The following SLC35F1 variants were observed in gnomAD, a reference collection of about 807,000 sequenced individuals.
The protein encoded by SLC35F1 is chromosome 6 open reading frame 169.
A neutral mutation model predicts 48.7 loss-of-function variants in SLC35F1; 14 were observed. That is an observed-to-expected ratio of 0.29 (90% CI 0.19 to 0.45). The LOEUF (loss-of-function observed/expected upper bound fraction) is 0.45, where lower values mean the gene tolerates loss of function less well. SLC35F1 is among the 20% of genes least tolerant of loss of function. SLC35F1 has a pLI of 1.00. For missense variants in SLC35F1, 404 were observed against 500.0 expected, an observed-to-expected ratio of 0.81 and a Z score of 1.83; for synonymous variants, 190 against 202.2, an observed-to-expected ratio of 0.94 and a Z score of 0.51.
intron 1 of SLC35F1, among the ~76,000 whole-genome samples, chr6:117,949,208 A>C (rs770906229): frequency 6.6e-6 from 1 of 152,218 alleles, no homozygotes; most frequent in Non-Finnish European, 1.5e-5. Context: ...CCAAGCATCC[A>C]AAACCTGGAA....
intron 1 of SLC35F1, among the ~76,000 whole-genome samples, chr6:118,150,747 C>CTAAATGATT (rs1214655697): frequency 6.6e-6 from 1 of 152,130 alleles, no homozygotes; most frequent in Non-Finnish European, 1.5e-5. Flanking sequence ...ATAGGATAAG[C>CTAAATGATT]TAAATTAATT....
At position 118,282,045 on chromosome 6, in the gene SLC35F1, A is replaced by T. The variant is rs74502258; in HGVS notation, c.848-3139A>T. ...TCAAATTCTATCCTTAGTGAGAGAG[A>T]GAACATTCCAAGAGGAAATGTTTAT... On this transcript the variant is annotated intron_variant, in intron 6 of 7. Transcript: ENST00000360388. Among the ~76,000 whole-genome samples the T allele has an allele frequency of 5.0e-3, 769 of 152,330 alleles. 8 individuals are homozygous for T. Among genetic ancestry groups the T allele is most frequent in the African/African-American group, 0.018 (736 of 41,574 alleles).
intron 2 of SLC35F1, among the ~76,000 whole-genome samples, chr6:118,192,241 TATTTCCTTGGTATTCAATTG>T (rs1217837213): frequency 6.6e-6 from 1 of 152,206 alleles, no homozygotes; most frequent in Non-Finnish European, 1.5e-5. Context: ...TCTGGCAAAG[TATTTCCTTGGTATTCAATTG>T]ATTTTTGTTC....
At chr6:118,232,244 A>C (rs1378249476) in intron 2 of SLC35F1, among the ~76,000 whole-genome samples, 3 of 152,204 alleles carry the variant, frequency 2.0e-5, no homozygotes, top group Non-Finnish European at 4.4e-5. Context: ...CAGGAGGATA[A>C]GCACCATGTA....
chr6:118,184,874 G>A (rs947998197), intron 2 of SLC35F1, among the ~76,000 whole-genome samples: 4 of 152,074 alleles, frequency 2.6e-5, no homozygotes, highest in African/African-American at 9.7e-5. Flanking sequence ...AAAAGATCTT[G>A]GGCCATGATT....
intron 2 of SLC35F1, among the ~76,000 whole-genome samples, chr6:118,200,464 C>T (rs1774860685): frequency 6.6e-6 from 1 of 152,166 alleles, no homozygotes; most frequent in Non-Finnish European, 1.5e-5. Flanking sequence ...CTGCCAGTGT[C>T]CTTCCAGGTT....
chr6:118,111,232 C>T (rs931732044), intron 1 of SLC35F1, among the ~76,000 whole-genome samples: 32 of 152,018 alleles, frequency 2.1e-4, no homozygotes, highest in Admixed American at 1.4e-3. Flanking sequence ...AACCAGAGAT[C>T]AAGGAAGCTC....
At chr6:118,194,100 G>C (rs545199560) in intron 2 of SLC35F1, among the ~76,000 whole-genome samples, 1 of 151,938 alleles carries the variant, frequency 6.6e-6, no homozygotes, top group Admixed American at 6.6e-5. Context: ...TACACAGACA[G>C]ACAGAAGAAG....
chr6:118,204,030 G>A (rs193021586), intron 2 of SLC35F1, among the ~76,000 whole-genome samples: 38 of 151,658 alleles, frequency 2.5e-4, no homozygotes, highest in African/African-American at 9.0e-4. Context: ...AGGTAATATA[G>A]AAAGCAATAA....
intron 2 of SLC35F1, among the ~76,000 whole-genome samples, chr6:118,171,308 G>T (rs879882965): frequency 1.3e-5 from 2 of 152,184 alleles, no homozygotes; most frequent in Non-Finnish European, 2.9e-5. Context: ...TGGGATTGCA[G>T]GTGTGAGCTA....
intron 1 of SLC35F1, among the ~76,000 whole-genome samples, chr6:118,102,163 G>A (rs189571850): frequency 6.6e-6 from 1 of 152,252 alleles, no homozygotes; most frequent in African/African-American, 2.4e-5. Flanking sequence ...CAATAACAAT[G>A]TACAGGAAGG....
chr6:118,157,255 G>A (rs1200725449), intron 2 of SLC35F1, among the ~76,000 whole-genome samples: 5 of 152,132 alleles, frequency 3.3e-5, no homozygotes, highest in African/African-American at 1.2e-4. Context: ...GTGCAGGGAA[G>A]GCAGGAGGAG....
intron 1 of SLC35F1, among the ~76,000 whole-genome samples, chr6:117,926,217 A>G (rs1000270236): frequency 1.3e-5 from 2 of 152,078 alleles, no homozygotes; most frequent in African/African-American, 4.8e-5. Flanking sequence ...TCTCTTGGTA[A>G]TGAGTGAGTC....
chr6:118,073,876 T>C (rs1772779459), intron 1 of SLC35F1, among the ~76,000 whole-genome samples: 1 of 152,220 alleles, frequency 6.6e-6, no homozygotes, highest in African/African-American at 2.4e-5. Flanking sequence ...TTTAAATTGA[T>C]TTATAATATA....
intron 1 of SLC35F1, among the ~76,000 whole-genome samples, chr6:118,117,775 G>T (rs1473529505): frequency 6.6e-6 from 1 of 152,094 alleles, no homozygotes; most frequent in Non-Finnish European, 1.5e-5. Flanking sequence ...CCCTAGATCT[G>T]CATCTGTCAC....
intron 4 of SLC35F1, among the ~76,000 whole-genome samples, chr6:118,269,582 G>A (rs1208483159): frequency 2.0e-5 from 3 of 151,964 alleles, no homozygotes; most frequent in Non-Finnish European, 2.9e-5. Context: ...CTGGTTTTGA[G>A]GTCAATAGAA....
At chr6:118,126,039 T>A (rs1033763202) in intron 1 of SLC35F1, among the ~76,000 whole-genome samples, 12 of 152,290 alleles carry the variant, frequency 7.9e-5, no homozygotes, top group East Asian at 5.8e-4. Context: ...GAACATTTTT[T>A]AAAAATAAAT....
chr6:117,979,447 G>A (rs1269983157), intron 1 of SLC35F1, among the ~76,000 whole-genome samples: 1 of 152,192 alleles, frequency 6.6e-6, no homozygotes, highest in African/African-American at 2.4e-5. Context: ...TTTGCCTCAC[G>A]ATGTTTTTCC....
At chr6:117,987,511 C>T (rs1215716080) in intron 1 of SLC35F1, among the ~76,000 whole-genome samples, 1 of 151,852 alleles carries the variant, frequency 6.6e-6, no homozygotes, top group East Asian at 1.9e-4. Context: ...TTCCCTCTTC[C>T]TCCAGGACAC....
Sources: gnomAD v4.1 joint callset for allele counts (sites outside exome capture counted in the v4.1 genomes callset) on GRCh38, gnomAD v4.1.1 for gene constraint, MANE v1.5 for transcripts, NCBI Gene and HGNC (gene_info 2026-07-23, HGNC 2026-07-21) for gene names.